Variants in DLGAP2 observed in about 807,000 individuals in gnomAD.
DLGAP2 encodes the protein disks large-associated protein 2.
A neutral mutation model predicts 100.3 loss-of-function variants in DLGAP2; 26 were observed. The observed-to-expected ratio is 0.26, with a 90% CI of 0.19 to 0.36. DLGAP2 has a LOEUF of 0.36. DLGAP2 is among the 10% of genes least tolerant of loss of function. The pLI is 1.00. For synonymous variants in DLGAP2, 886 were observed against 630.1 expected (o/e 1.41, Z -6.08); for missense variants, 1,858 against 1,453.2 (o/e 1.28, Z -4.53).
At chr8:1,356,017 C>T (rs1300921258) in intron 3 of DLGAP2, among the ~76,000 whole-genome samples, 25 of 152,108 alleles carry the variant, frequency 1.6e-4, no homozygotes, top group Admixed American at 1.6e-3. Context: ...CCCCTCCCTG[C>T]CTTGCATGAT....
chr8:902,075 G>A (rs962311611), intron 1 of DLGAP2, among the ~76,000 whole-genome samples: 4 of 152,206 alleles, frequency 2.6e-5, no homozygotes, highest in East Asian at 3.9e-4. Flanking sequence ...TGGGTCCACC[G>A]CAGAGGGATT....
At chr8:1,169,148 C>T (rs886714563) in intron 2 of DLGAP2, among the ~76,000 whole-genome samples, 3 of 151,414 alleles carry the variant, frequency 2.0e-5, no homozygotes, top group Non-Finnish European at 4.4e-5. Context: ...AATCCTTTCC[C>T]CATTGCTTGT....
At position 856,185 on chromosome 8, in the gene DLGAP2, C is replaced by CT. The variant is rs71223338; in HGVS notation, c.19-51707dup. On this transcript the variant is annotated intron_variant, in intron 1 of 14. Transcript: ENST00000637795. ...TTAGTGGAAAAATCTTCTTCTTCTTCTTTTTTTTTTTTTTTTTTTTGAGAT... is the reference window on the plus strand; with the variant it reads ...TTAGTGGAAAAATCTTCTTCTTCTTCTTTTTTTTTTTTTTTTTTTTTGAGAT... Among the ~76,000 whole-genome samples the CT allele has an allele frequency of 3.7e-3, 482 of 130,566 alleles. 2 individuals are homozygous for CT. The highest frequency in any genetic ancestry group is 4.8e-3 in the African/African-American group (170 of 35,154). The allele number at this position is 130,566 out of a possible 152,430, so 85.7% of individuals were successfully genotyped here.
intron 4 of DLGAP2, among the ~76,000 whole-genome samples, chr8:1,534,421 C>T (rs369810527): frequency 6.6e-6 from 1 of 152,114 alleles, no homozygotes; most frequent in African/African-American, 2.4e-5. Flanking sequence ...ACTTATTTTG[C>T]CTATAAATAA....
At chr8:1,057,754 C>T (rs1802926953) in intron 2 of DLGAP2, among the ~76,000 whole-genome samples, 1 of 152,034 alleles carries the variant, frequency 6.6e-6, no homozygotes, top group African/African-American at 2.4e-5. Context: ...GATACTAACA[C>T]CAGAGGTTAA....
chr8:1,527,240 G>T (rs1344546911), intron 4 of DLGAP2, among the ~76,000 whole-genome samples: 1 of 152,210 alleles, frequency 6.6e-6, no homozygotes, highest in African/African-American at 2.4e-5. Flanking sequence ...TCCCACCCCA[G>T]CTTTCAAGTC....
intron 3 of DLGAP2, among the ~76,000 whole-genome samples, chr8:1,272,490 A>T (rs1799602679): frequency 6.6e-6 from 1 of 152,038 alleles, no homozygotes; most frequent in South Asian, 2.1e-4. Context: ...TATTACACAT[A>T]AACGTTTTAT....
intron 2 of DLGAP2, among the ~76,000 whole-genome samples, chr8:977,952 A>G (rs1273392248): frequency 2.4e-5 from 2 of 81,680 alleles, no homozygotes; most frequent in Non-Finnish European, 4.9e-5. Context: ...TCGGGGATGC[A>G]GTGAGGAGCT....
At chr8:841,271 G>A (rs1796978953) in intron 1 of DLGAP2, among the ~76,000 whole-genome samples, 2 of 152,176 alleles carry the variant, frequency 1.3e-5, no homozygotes, top group African/African-American at 4.8e-5. Flanking sequence ...ACTCATGCAT[G>A]GCGCACGTTT....
intron 2 of DLGAP2, among the ~76,000 whole-genome samples, chr8:1,154,988 C>T (rs990911514): frequency 2.0e-5 from 3 of 152,200 alleles, no homozygotes; most frequent in Non-Finnish European, 2.9e-5. Context: ...TACTTCTTCC[C>T]GGGCCTTGTC....
At chr8:1,482,681 G>T (rs571253636) in intron 3 of DLGAP2, among the ~76,000 whole-genome samples, 136 of 152,260 alleles carry the variant, frequency 8.9e-4, no homozygotes, top group African/African-American at 3.1e-3. Context: ...TGGTTCCCAC[G>T]GCCGCCCCGG....
At chr8:1,427,436 G>C (rs1469596298) in intron 3 of DLGAP2, among the ~76,000 whole-genome samples, 1 of 152,192 alleles carries the variant, frequency 6.6e-6, no homozygotes. Context: ...CCCTCATAAT[G>C]TAATGCAGTT....
chr8:1,061,288 C>G (rs1477702826), intron 2 of DLGAP2, among the ~76,000 whole-genome samples: 1 of 152,184 alleles, frequency 6.6e-6, no homozygotes, highest in East Asian at 1.9e-4. Context: ...TATGCCCGAA[C>G]ACCTGCCTTA....
At chr8:1,409,662 C>T (rs1269417625) in intron 3 of DLGAP2, among the ~76,000 whole-genome samples, 3 of 152,168 alleles carry the variant, frequency 2.0e-5, no homozygotes, top group Non-Finnish European at 2.9e-5. Flanking sequence ...GAAGGACCAG[C>T]GTTTGAATCA....
At chr8:1,122,522 T>A (rs1796072403) in intron 2 of DLGAP2, among the ~76,000 whole-genome samples, 1 of 152,200 alleles carries the variant, frequency 6.6e-6, no homozygotes, top group Non-Finnish European at 1.5e-5. Flanking sequence ...AAGAAAATCC[T>A]TTTTCTTTTA....
intron 1 of DLGAP2, among the ~76,000 whole-genome samples, chr8:903,848 T>C (rs150393830): frequency 3.9e-5 from 6 of 152,356 alleles, no homozygotes; most frequent in African/African-American, 1.4e-4. Context: ...GTGCTCGTTA[T>C]GCAGCCGCAG....
intron 2 of DLGAP2, among the ~76,000 whole-genome samples, chr8:1,088,689 C>T (rs1804059421): frequency 6.6e-6 from 1 of 150,892 alleles, no homozygotes; most frequent in South Asian, 2.1e-4. Context: ...TCTCACTCCC[C>T]AGTCTCATTC....
rs569253755 is a variant in DLGAP2 at position 854,491 on chromosome 8, G to C, written c.19-53421G>C. 5.9e-5 allele frequency among the ~76,000 whole-genome samples: 9 copies of C among 152,300 alleles called. No individual in the cohort carries two copies. In the South Asian group the frequency reaches 1.9e-3, roughly 32 times the overall value. ...CTTGCTGTATTGTCCTGTAGCAGAA[G>C]GGGGGAGGTGGGTGAGAGTGAGAGA... On this transcript the variant is annotated intron_variant, in intron 1 of 14. Transcript: ENST00000637795.
chr8:907,817 C>T lies in DLGAP2; in HGVS notation c.19-95C>T, dbSNP rs531388610. ...CACGCTGACTTTGTGCAACATTGAA[C>T]TACCTTATTAGAAGAAACACTCGCA... is the stretch of plus-strand genomic sequence containing the variant. On this transcript the variant is annotated intron_variant, in intron 1 of 14. Coordinates refer to ENST00000637795, the MANE Select transcript of DLGAP2 (RefSeq NM_001346810.2). The T allele has an allele frequency of 1.8e-4, 70 of 396,680 alleles. 1 individual carries two copies. The Middle Eastern group carries it at 5.7e-3, about 32-fold the overall frequency. 24.6% of individuals were successfully genotyped at this position (396,680 alleles called of 1,614,324 possible).
Sources: gnomAD v4.1 joint callset for allele counts (sites outside exome capture counted in the v4.1 genomes callset) on GRCh38, gnomAD v4.1.1 for gene constraint, MANE v1.5 for transcripts, NCBI Gene and HGNC (gene_info 2026-07-23, HGNC 2026-07-21) for gene names.